Variants in MARCHF1 observed in about 807,000 individuals in gnomAD.
MARCHF1 encodes the protein membrane associated ring-CH-type finger 1.
A neutral mutation model predicts 54.2 loss-of-function variants in MARCHF1; 40 were observed. That is an observed-to-expected ratio of 0.74 (90% CI 0.57 to 0.96). MARCHF1 has a LOEUF of 0.96. Ranked by LOEUF, MARCHF1 falls within the 40% of genes least tolerant of loss-of-function variation. The pLI, the probability that MARCHF1 is intolerant of heterozygous loss-of-function variation, is 0.00. For missense variants in MARCHF1, 586 were observed against 656.5 expected (o/e 0.89, Z 1.17); for synonymous variants, 236 against 236.3 (o/e 1.00, Z 0.01).
intron 5 of MARCHF1, among the ~76,000 whole-genome samples, chr4:163,635,712 G>C (rs551584789): frequency 1.1e-3 from 170 of 151,866 alleles, no homozygotes; most frequent in African/African-American, 3.9e-3. Context: ...CCAATCAATA[G>C]AAAAAGAGGG....
intron 5 of MARCHF1, among the ~76,000 whole-genome samples, chr4:163,700,326 G>A (rs577029862): frequency 4.1e-4 from 62 of 152,058 alleles, no homozygotes; most frequent in African/African-American, 1.4e-3. Flanking sequence ...TCAACATGGC[G>A]AAACCCCATC....
At chr4:164,099,319 T>C (rs1353984887) in intron 2 of MARCHF1, among the ~76,000 whole-genome samples, 1 of 152,236 alleles carries the variant, frequency 6.6e-6, no homozygotes, top group Non-Finnish European at 1.5e-5. Flanking sequence ...CAGGTTAGAA[T>C]GTTAGCACTT....
At chr4:164,296,926 A>T in intron 1 of MARCHF1, among the ~76,000 whole-genome samples, 1 of 152,210 alleles carries the variant, frequency 6.6e-6, no homozygotes, top group East Asian at 1.9e-4. Context: ...AGGAGGTGGT[A>T]GAGCCTAATA....
In MARCHF1 at chr4:164,289,430, C is replaced by T. The variant is rs116204179; in HGVS notation, c.-323+94440G>A. Among the ~76,000 whole-genome samples, 666 of 151,974 alleles carry T rather than the reference C, an allele frequency of 4.4e-3. 4 individuals are homozygous for T. Among genetic ancestry groups the T allele is most frequent in the African/African-American group, 9.9e-3 (412 of 41,492 alleles). ...AACTAAACCTGAAATACATTAATCA[C>T]TATATGGACTTTCATAATCATTATG... On this transcript the variant is annotated intron_variant, in intron 1 of 9. Transcript: ENST00000514618.
chr4:164,178,830 A>C (rs1730756729), intron 1 of MARCHF1, among the ~76,000 whole-genome samples: 1 of 152,174 alleles, frequency 6.6e-6, no homozygotes, highest in Admixed American at 6.5e-5. Context: ...AAATATAAGG[A>C]GAAGATAATC....
chr4:163,734,992 T>C (rs1050491813), intron 4 of MARCHF1, among the ~76,000 whole-genome samples: 1 of 152,220 alleles, frequency 6.6e-6, no homozygotes, highest in Non-Finnish European at 1.5e-5. Context: ...TGTTTTATAC[T>C]TTTTATTATT....
At chr4:164,123,916 T>TA (rs1756127827) in intron 1 of MARCHF1, among the ~76,000 whole-genome samples, 1 of 152,000 alleles carries the variant, frequency 6.6e-6, no homozygotes, top group African/African-American at 2.4e-5. Context: ...CACATCAAGT[T>TA]AAAAAGCTTC....
intron 3 of MARCHF1, among the ~76,000 whole-genome samples, chr4:163,968,239 C>G (rs113559168): frequency 5.5e-5 from 2 of 36,364 alleles, no homozygotes; most frequent in Non-Finnish European, 2.0e-4. Flanking sequence ...ATTTGCTATA[C>G]TAAAGTACCC....
At chr4:164,125,566 T>C (rs1356693421) in intron 1 of MARCHF1, among the ~76,000 whole-genome samples, 4 of 152,160 alleles carry the variant, frequency 2.6e-5, no homozygotes, top group Admixed American at 6.5e-5. Flanking sequence ...TATTTACATA[T>C]ATACAATTCC....
intron 5 of MARCHF1, among the ~76,000 whole-genome samples, chr4:163,653,086 T>C (rs1277105216): frequency 6.6e-6 from 1 of 151,744 alleles, no homozygotes; most frequent in African/African-American, 2.4e-5. Context: ...TCATTGGTGA[T>C]GGAGGTCACT....
intron 1 of MARCHF1, chr4:164,383,453 A>G (rs1425394613): frequency 6.6e-6 from 1 of 152,312 alleles, no homozygotes; most frequent in Non-Finnish European, 1.5e-5. Context: ...GAGCCTGTGA[A>G]GTGGCTGTCA....
chr4:163,644,644 T>A (rs1257492849), intron 5 of MARCHF1, among the ~76,000 whole-genome samples: 2 of 152,114 alleles, frequency 1.3e-5, no homozygotes, highest in African/African-American at 4.8e-5. Flanking sequence ...AGCATAGCCA[T>A]CCATGTTCCC....
At chr4:164,071,713 T>C (rs1754870549) in intron 2 of MARCHF1, among the ~76,000 whole-genome samples, 1 of 152,204 alleles carries the variant, frequency 6.6e-6, no homozygotes, top group Non-Finnish European at 1.5e-5. Flanking sequence ...AGGTTGTTAC[T>C]CACAACCCAT....
chr4:163,712,397 A>T (rs1424695927), intron 4 of MARCHF1, among the ~76,000 whole-genome samples: 1 of 152,176 alleles, frequency 6.6e-6, no homozygotes, highest in East Asian at 1.9e-4. Context: ...TGTTACCTGG[A>T]GGCATAAAAT....
chr4:164,254,770 A>C (rs965693507), intron 1 of MARCHF1, among the ~76,000 whole-genome samples: 3 of 152,122 alleles, frequency 2.0e-5, no homozygotes, highest in African/African-American at 7.2e-5. Context: ...TCTCCCTTTC[A>C]TGTTTTTCTG....
chr4:163,687,154 A>G (rs116593087), intron 5 of MARCHF1, among the ~76,000 whole-genome samples: 2,050 of 152,310 alleles, frequency 0.013, 51 homozygotes, highest in African/African-American at 0.044. Context: ...AAGTACTTAA[A>G]TATGGAACTG....
chr4:163,964,681 CTCTTT>C (rs72347745), intron 3 of MARCHF1, among the ~76,000 whole-genome samples: 5,945 of 152,010 alleles, frequency 0.039, 156 homozygotes, highest in Middle Eastern at 0.068. Context: ...CTGCTTCTCT[CTCTTT>C]TGATTCCTTG....
chr4:163,808,630 G>A (rs1047561896), intron 4 of MARCHF1, among the ~76,000 whole-genome samples: 1 of 152,024 alleles, frequency 6.6e-6, no homozygotes, highest in Non-Finnish European at 1.5e-5. Flanking sequence ...GTGCAGTGGC[G>A]TGATCTCGGC....
chr4:164,082,250 T>C (rs181424484), intron 2 of MARCHF1, among the ~76,000 whole-genome samples: 118 of 152,346 alleles, frequency 7.7e-4, no homozygotes, highest in Non-Finnish European at 1.3e-3. Flanking sequence ...TCTCTCATTT[T>C]AATAAGGCAT....
Sources: allele counts gnomAD v4.1 joint callset (sites outside exome capture counted in the v4.1 genomes callset), GRCh38; gene constraint gnomAD v4.1.1; transcripts MANE v1.5; gene names NCBI Gene and HGNC (gene_info 2026-07-23, HGNC 2026-07-21).